RIT2: variants seen among roughly 807,000 people sequenced by gnomAD.
RIT2 encodes Ras like without CAAX 2, also known as GTP-binding protein Rit2.
Under a neutral mutation model 23.7 loss-of-function variants are expected in RIT2, and 24 were observed. The ratio of observed to expected loss-of-function variants is 1.01; its 90% CI spans 0.73 to 1.43. RIT2 has a LOEUF of 1.43. RIT2 is among the 40% of genes most tolerant of loss of function. The probability of loss-of-function intolerance (pLI) is 0.00; values close to 1 mark genes in which losing one functional copy is unlikely to be tolerated. For synonymous variants in RIT2, 107 were observed against 91.1 expected (o/e 1.17, Z -0.99); for missense variants, 236 against 266.9 (o/e 0.88, Z 0.81).
chr18:42,973,796 G>A (rs1910416497), intron 3 of RIT2, among the ~76,000 whole-genome samples: 1 of 151,552 alleles, frequency 6.6e-6, no homozygotes. Flanking sequence ...TCAGAGTTTT[G>A]TGCAAACCTG....
intron 2 of RIT2, among the ~76,000 whole-genome samples, chr18:42,984,810 G>C (rs899718875): frequency 6.6e-6 from 1 of 151,980 alleles, no homozygotes; most frequent in African/African-American, 2.4e-5. Flanking sequence ...AAACAAAACC[G>C]AAAGCTAACA....
chr18:43,085,530 T>C (rs1913263217), intron 1 of RIT2, among the ~76,000 whole-genome samples: 1 of 152,180 alleles, frequency 6.6e-6, no homozygotes, highest in Non-Finnish European at 1.5e-5. Flanking sequence ...CCTCTGGTAA[T>C]CACCTTTCTA....
At chr18:43,047,368 A>G (rs1242654230) in intron 1 of RIT2, among the ~76,000 whole-genome samples, 1 of 152,044 alleles carries the variant, frequency 6.6e-6, no homozygotes, top group Non-Finnish European at 1.5e-5. Flanking sequence ...CATAATATCA[A>G]ATTATAGAAT....
chr18:42,770,305 C>A (rs1246311063), intron 4 of RIT2, among the ~76,000 whole-genome samples: 1 of 152,216 alleles, frequency 6.6e-6, no homozygotes, highest in African/African-American at 2.4e-5. Context: ...TCACAACGAC[C>A]TAGAGGCATA....
Position 42,829,285 on chromosome 18 carries a change from A to G in RIT2, c.427-85565T>C, listed in dbSNP as rs536605884. Among the ~76,000 whole-genome samples, 17 of 152,304 alleles carry G rather than the reference A, an allele frequency of 1.1e-4. No individual in the cohort carries two copies. In the East Asian group the frequency reaches 2.5e-3, roughly 22 times the overall value. On this transcript the variant is annotated intron_variant, in intron 4 of 4. Transcript: ENST00000326695. ...ATATATGATTATCATGACTTTTTCA[A>G]ACATGATTTTTAGATCTAGAATTAC...
At chr18:42,854,522 AATT>A (rs1907134433) in intron 4 of RIT2, among the ~76,000 whole-genome samples, 1 of 152,142 alleles carries the variant, frequency 6.6e-6, no homozygotes, top group Admixed American at 6.5e-5. Context: ...CTCTGTCATT[AATT>A]GAGCCCCTAC....
At chr18:42,958,474 T>C (rs1910023905) in intron 3 of RIT2, among the ~76,000 whole-genome samples, 2 of 152,086 alleles carry the variant, frequency 1.3e-5, no homozygotes, top group Admixed American at 1.3e-4. Flanking sequence ...TTAGCTAATA[T>C]GATAATACAC....
At chr18:43,006,926 T>C (rs1416072906) in intron 2 of RIT2, among the ~76,000 whole-genome samples, 3 of 151,374 alleles carry the variant, frequency 2.0e-5, no homozygotes, top group Non-Finnish European at 3.0e-5. Context: ...ATTATTGGAC[T>C]TGATAGAAAA....
chr18:42,799,412 T>C (rs1321021284), intron 4 of RIT2, among the ~76,000 whole-genome samples: 1 of 152,212 alleles, frequency 6.6e-6, no homozygotes, highest in Non-Finnish European at 1.5e-5. Flanking sequence ...TAAATAACTC[T>C]AAAAATATTC....
At chr18:42,744,009 TC>T (rs1006895339) in intron 4 of RIT2, among the ~76,000 whole-genome samples, 1 of 152,176 alleles carries the variant, frequency 6.6e-6, no homozygotes, top group African/African-American at 2.4e-5. Flanking sequence ...GTGAAAATGG[TC>T]GGTCCTTGCC....
chr18:42,932,486 A>T (rs969270418), intron 3 of RIT2, among the ~76,000 whole-genome samples: 2 of 152,176 alleles, frequency 1.3e-5, no homozygotes, highest in Non-Finnish European at 2.9e-5. Flanking sequence ...ATAATCTGAT[A>T]TCATGCTACC....
intron 4 of RIT2, among the ~76,000 whole-genome samples, chr18:42,753,561 A>G (rs938144284): frequency 1.3e-5 from 2 of 152,184 alleles, no homozygotes; most frequent in Non-Finnish European, 2.9e-5. Flanking sequence ...TATTTTTAAT[A>G]TCTTCTTGTA....
intron 1 of RIT2, among the ~76,000 whole-genome samples, chr18:43,108,007 CAAA>C (rs5824469): frequency 4.6e-4 from 62 of 136,260 alleles, no homozygotes; most frequent in Non-Finnish European, 4.3e-4. Context: ...ACTAAAAATA[CAAA>C]AAAAAAAAAA....
rs1907855976 is a variant in RIT2, at chr18:42,880,382, C to CT, written c.426+43189dup. Among the ~76,000 whole-genome samples, 3 of 152,078 alleles carry CT rather than the reference C, an allele frequency of 2.0e-5. 1 individual carries two copies. Among genetic ancestry groups the CT allele is most frequent in the Admixed American group, 2.0e-4 (3 of 15,248 alleles). ...TTGTTTTACCCCTTAAAAAAATCCC[C>CT]TTACTATTGCTTTAATGGGGTTTCA... is the stretch of plus-strand genomic sequence containing the variant. On this transcript the variant is annotated intron_variant, in intron 4 of 4. Transcript: ENST00000326695.
intron 2 of RIT2, among the ~76,000 whole-genome samples, chr18:43,013,312 G>T (rs74584412): frequency 0.071 from 10,717 of 151,750 alleles, 625 homozygotes; most frequent in African/African-American, 0.15. Flanking sequence ...ACTATAGCTT[G>T]ATAGCTAATA....
intron 4 of RIT2, among the ~76,000 whole-genome samples, chr18:42,837,185 TGA>T (rs1906637049): frequency 1.5e-5 from 2 of 137,326 alleles, no homozygotes; most frequent in Non-Finnish European, 3.0e-5. Context: ...TTTTTTTTTT[TGA>T]GACGGAGTCT....
At chr18:42,948,734 A>C (rs879885588) in intron 3 of RIT2, among the ~76,000 whole-genome samples, 1 of 152,096 alleles carries the variant, frequency 6.6e-6, no homozygotes, top group Non-Finnish European at 1.5e-5. Flanking sequence ...ATCAAGAGAA[A>C]GAAACTTCAG....
intron 1 of RIT2, among the ~76,000 whole-genome samples, chr18:43,068,844 T>A (rs1490438762): frequency 1.3e-5 from 2 of 152,090 alleles, no homozygotes; most frequent in Non-Finnish European, 2.9e-5. Context: ...ACAGTTTACA[T>A]GTTTGTGTGA....
intron 4 of RIT2, among the ~76,000 whole-genome samples, chr18:42,793,152 C>T (rs963861160): frequency 6.6e-6 from 1 of 152,094 alleles, no homozygotes; most frequent in Non-Finnish European, 1.5e-5. Context: ...ATAAGACCTG[C>T]TAGTAGTAAT....
Sources: allele counts gnomAD v4.1 joint callset (sites outside exome capture counted in the v4.1 genomes callset), GRCh38; gene constraint gnomAD v4.1.1; transcripts MANE v1.5; gene names NCBI Gene and HGNC (gene_info 2026-07-23, HGNC 2026-07-21).